Variants in OVCH2 observed in about 807,000 individuals in gnomAD.
The protein encoded by OVCH2 is ovochymase 2.
In OVCH2, 88 loss-of-function variants were observed where a neutral mutation model predicts 73.7. The ratio of observed to expected loss-of-function variants is 1.19; its 90% confidence interval spans 1.01 to 1.43. The LOEUF is 1.43. Ranked by LOEUF, OVCH2 falls within the 40% of genes most tolerant of loss-of-function variation. OVCH2 has a pLI of 0.00. For missense variants in OVCH2, 706 were observed against 674.5 expected (o/e 1.05, Z -0.52); for synonymous variants, 265 against 234.5 (o/e 1.13, Z -1.19).
chr11:7,701,798 C>T lies in OVCH2; in HGVS notation c.477G>A (p.Gly159=), dbSNP rs563882409. 171 of 1,611,062 alleles carry T rather than the reference C, an allele frequency of 1.1e-4. 1 individual carries two copies. The South Asian group carries it at 1.7e-3, about 16-fold the overall frequency. The stretch of plus-strand genomic sequence containing the variant: ...CCCGCAGCTCTGGAAGACATATGGG[C>T]CCCACAAAGTGGCCTGAAGAAAAGA... ...AGAFQFGHFV[G]PICLPELREQ... is the part of the protein sequence containing the mutation. The change falls in exon 5 of 16, where the codon GGG becomes GGA. Residue 159 remains glycine (G), a synonymous_variant. Transcript: ENST00000533663.
At chr11:7,680,834 G>T in the OVCH2 span, among the ~76,000 whole-genome samples, 1 of 152,192 alleles carries the variant, frequency 6.6e-6, no homozygotes, top group Non-Finnish European at 1.5e-5. Flanking sequence ...ATGAATGATT[G>T]TTTTTGTCTC....
In OVCH2 at chr11:7,701,784, G is replaced by A. The variant is rs1410480405; in HGVS notation, c.491C>T (p.Pro164Leu). Residue 164 changes from proline to leucine, a missense_variant, in exon 5 of 16, where the codon CCA becomes CTA. Coordinates refer to ENST00000533663, the MANE Select transcript of OVCH2 (RefSeq NM_198185.7). ...FGHFVGPICL[P>L]ELREQFEAGF... ...AGCCTCAAATTGCTCCCGCAGCTCT[G>A]GAAGACATATGGGCCCCACAAAGTG... 1 of 1,612,120 alleles carries A rather than the reference G, an allele frequency of 6.2e-7. No homozygotes were observed. Among genetic ancestry groups the A allele is most frequent in the Non-Finnish European group, 8.5e-7 (1 of 1,179,270 alleles).
Position 7,701,468 on chromosome 11 carries a change from G to A in OVCH2, c.567C>T (p.Val189=), listed in dbSNP as rs765632462. The change falls in exon 6 of 16, where the codon GTC becomes GTT. Residue 189 remains valine, a synonymous_variant. Coordinates refer to ENST00000533663, the MANE Select transcript of OVCH2 (RefSeq NM_198185.7). ...AGWGRLTEGG[V]LSQVLQEVNL... ...TCACTTCCTGCAAGACTTGTGAGAG[G>A]ACGCCACCTGAAAAACAGAGAGATG... 99 of 1,609,880 alleles carry A rather than the reference G, an allele frequency of 6.1e-5. No homozygotes were observed. The highest frequency in any genetic ancestry group is 8.1e-5 in the Non-Finnish European group (96 of 1,178,448).
Position 7,701,327 on chromosome 11 carries a change from A to G in OVCH2, c.708T>C (p.Cys236=), listed in dbSNP as rs752962425. 4 of 1,611,348 alleles carry G rather than the reference A, an allele frequency of 2.5e-6. No individual in the cohort carries two copies. In the African/African-American group the frequency reaches 5.3e-5, roughly 21 times the overall value. Residue 236 remains cysteine (C), a synonymous_variant, in exon 6 of 16, where the codon TGT becomes TGC. Transcript: ENST00000533663. The part of the protein sequence containing the change: ...TGFPDGGRDA[C]QGDSGGSLMC... Reference sequence around the variant, plus strand: ...CAGCCCCGCAGCTCCCACCCACCTGACATGCGTCTCTCCCTCCATCAGGAA... The same window carrying G: ...CAGCCCCGCAGCTCCCACCCACCTGGCATGCGTCTCTCCCTCCATCAGGAA...
the OVCH2 span, among the ~76,000 whole-genome samples, chr11:7,680,685 G>A: frequency 6.6e-6 from 1 of 152,218 alleles, no homozygotes; most frequent in Non-Finnish European, 1.5e-5. Flanking sequence ...AATCAGCCCT[G>A]TTGACACATT....
downstream of OVCH2, among the ~76,000 whole-genome samples, chr11:7,685,232 G>A (rs943232725): frequency 5.9e-5 from 9 of 152,132 alleles, no homozygotes; most frequent in African/African-American, 2.2e-4. Flanking sequence ...CTCCTGGTAG[G>A]CACAGAATGG....
intron 5 of OVCH2, 92 bp from the exon 6 acceptor site, chr11:7,701,567 A>G (rs945588416): frequency 1.3e-6 from 2 of 1,511,456 alleles, no homozygotes; most frequent in Admixed American, 4.1e-5. Flanking sequence ...GCTTGGCAAG[A>G]CTTGAATTTC....
chr11:7,684,130 C>A, the OVCH2 span, among the ~76,000 whole-genome samples: 1 of 152,016 alleles, frequency 6.6e-6, no homozygotes, highest in Non-Finnish European at 1.5e-5. Context: ...GTCAGCAGAC[C>A]TGTTCTATAC....
At chr11:7,695,281 A>G in intron 11 of OVCH2, 93 bp from the exon 12 acceptor site, 1 of 1,368,792 alleles carries the variant, frequency 7.3e-7, no homozygotes, top group South Asian at 1.5e-5. Context: ...AATGATGCAT[A>G]TCAATTGCAT....
In OVCH2 at chr11:7,692,014, A is replaced by G. The variant is rs368321278; in HGVS notation, c.1414-19T>C. 23 of 1,513,270 alleles carry G rather than the reference A, an allele frequency of 1.5e-5. No individual in the cohort carries two copies. In the African/African-American group the frequency reaches 3.2e-4, roughly 21 times the overall value. 93.7% of individuals were successfully genotyped at this position (1,513,270 alleles called of 1,614,324 possible). On this transcript the variant is annotated intron_variant, in intron 12 of 15. Transcript: ENST00000533663. ...ATGAAAGCTGAGAAGACACGAAGTTACATCCAGAGTAAACAATCTGAATGA... is the reference window on the plus strand; with the variant it reads ...ATGAAAGCTGAGAAGACACGAAGTTGCATCCAGAGTAAACAATCTGAATGA...
At position 7,702,276 on chromosome 11, in the gene OVCH2, G is replaced by A; in HGVS notation, c.344C>T (p.Thr115Ile). ...AGTGAGAGTTTGCTCTCCTGGGTCT[G>A]TCTGGCTTAAGTCATACTCTCCAGC... ...VTAGEYDLSQ[T>I]DPGEQTLTIE... The change falls in exon 4 of 16, where the codon ACA (threonine) becomes ATA (isoleucine). Residue 115 changes from threonine to isoleucine, a missense_variant. Transcript: ENST00000533663. 1 of 1,612,036 alleles carries A rather than the reference G, an allele frequency of 6.2e-7. No homozygotes were observed. Among genetic ancestry groups the A allele is most frequent in the African/African-American group, 1.3e-5 (1 of 74,948 alleles).
At chr11:7,683,676 C>T in the OVCH2 span, among the ~76,000 whole-genome samples, 7 of 152,144 alleles carry the variant, frequency 4.6e-5, no homozygotes, top group Non-Finnish European at 1.0e-4. Context: ...ACAAGCTGTC[C>T]TCCCACCTAC....
At chr11:7,684,470 C>CTATATA (rs755430614), downstream of OVCH2, among the ~76,000 whole-genome samples, 704 of 120,616 alleles carry the variant, frequency 5.8e-3, 9 homozygotes, top group African/African-American at 0.025. Context: ...GCCCTCAAAC[C>CTATATA]TATATATATA....
At chr11:7,703,316 G>A (rs936475484) in intron 3 of OVCH2, among the ~76,000 whole-genome samples, 7 of 152,024 alleles carry the variant, frequency 4.6e-5, no homozygotes, top group African/African-American at 1.7e-4. Context: ...TACTTTACTG[G>A]TCTCCCTTTG....
At position 7,690,001 on chromosome 11, in the gene OVCH2, A is replaced by C; in HGVS notation, c.1652T>G (p.Leu551Ter). The change falls in exon 15 of 16, where the codon TTA (leucine) becomes TGA (stop). Residue 551 changes from leucine to a stop codon, truncating the protein, a stop_gained. Coordinates refer to ENST00000533663, the MANE Select transcript of OVCH2 (RefSeq NM_198185.7). LOFTEE classifies it high-confidence loss of function. ...TTCATCCTCTGATATGGAGATGTTT[A>C]AATCTGGGTATACTGGGTATAAGTA... ...SFIPKAVYPDLNISISEDESM... is the reference protein window; with the variant it reads ...SFIPKAVYPD 1 of 1,520,610 alleles carries C rather than the reference A, an allele frequency of 6.6e-7. No homozygotes were observed. The highest frequency in any genetic ancestry group is 8.8e-7 in the Non-Finnish European group (1 of 1,132,942). The allele number at this position is 1,520,610 out of a possible 1,614,324, so 94.2% of individuals were successfully genotyped here.
chr11:7,694,826 T>A (rs973124687), intron 12 of OVCH2, among the ~76,000 whole-genome samples: 8 of 145,330 alleles, frequency 5.5e-5, no homozygotes, highest in Middle Eastern at 3.5e-3. Flanking sequence ...TTTTTTTTTT[T>A]AAAGTAAGGA....
At chr11:7,688,058 C>A (rs1236600941), downstream of OVCH2, among the ~76,000 whole-genome samples, 1 of 152,148 alleles carries the variant, frequency 6.6e-6, no homozygotes, top group African/African-American at 2.4e-5. Context: ...GGTGGGAGCG[C>A]AAACATTCAG....
In OVCH2 at chr11:7,700,282, G is replaced by T. The variant is rs1300772240; in HGVS notation, c.901+14C>A. 6.2e-7 allele frequency: 1 copy of T among 1,611,812 alleles called. No homozygotes were observed. Among genetic ancestry groups the T allele is most frequent in the Admixed American group, 1.7e-5 (1 of 59,934 alleles). On this transcript the variant is annotated intron_variant, in intron 7 of 15. Transcript: ENST00000533663. ...GAATGGCAGCTTCTTAACCTTGTGT[G>T]ATGGCTTAGTTACCAGTTTGGATGT...
At chr11:7,705,604 C>T (rs1310608113) in intron 1 of OVCH2, 2 of 152,146 alleles carry the variant, frequency 1.3e-5, no homozygotes, top group Admixed American at 6.5e-5. Flanking sequence ...GATGAGAAAA[C>T]TGAGAATCAA....
Sources: allele counts gnomAD v4.1 joint callset (sites outside exome capture counted in the v4.1 genomes callset), GRCh38; gene constraint gnomAD v4.1.1; transcripts MANE v1.5; gene names NCBI Gene and HGNC (gene_info 2026-07-23, HGNC 2026-07-21).